AMMECR1: variants seen among roughly 807,000 people sequenced by gnomAD.
AMMECR1 encodes nuclear protein AMMECR1.
In AMMECR1, 3 loss-of-function variants were observed where a neutral mutation model predicts 22.5. The ratio of observed to expected loss-of-function variants is 0.13; its 90% CI spans 0.06 to 0.35. AMMECR1 has a LOEUF of 0.35. AMMECR1 is among the 10% of genes least tolerant of loss of function. The pLI is 1.00. For synonymous variants in AMMECR1, 130 were observed against 116.7 expected (o/e 1.11, Z -0.74); for missense variants, 235 against 278.7 (o/e 0.84, Z 1.12).
intron 2 of AMMECR1, among the ~76,000 whole-genome samples, chrX:110,383,910 T>C (rs1445291233): frequency 1.8e-5 from 2 of 112,137 alleles, no homozygotes; most frequent in Non-Finnish European, 3.8e-5. Flanking sequence ...TTATAAGCTA[T>C]GTGATGTTGA....
chrX:110,349,880 G>T (rs2068204538), intron 2 of AMMECR1, among the ~76,000 whole-genome samples: 1 of 111,666 alleles, frequency 9.0e-6, no homozygotes, highest in Non-Finnish European at 1.9e-5. Flanking sequence ...TATCATACAT[G>T]CCACTGCATC....
chrX:110,285,237 C>T (rs2067873141), intron 1 of AMMECR1, among the ~76,000 whole-genome samples: 1 of 111,701 alleles, frequency 9.0e-6, no homozygotes, highest in African/African-American at 3.3e-5. Context: ...AAAGTGTGGT[C>T]CCTGGACCAG....
intron 3 of AMMECR1, 79 bp downstream of exon 3, chrX:110,216,439 G>A: frequency 4.3e-6 from 3 of 702,438 alleles, no homozygotes; most frequent in Non-Finnish European, 6.6e-6. Flanking sequence ...GGCTGAAAGA[G>A]TTATTTTCTG....
intron 2 of AMMECR1, among the ~76,000 whole-genome samples, chrX:110,351,809 G>A (rs1271809847): frequency 1.8e-5 from 2 of 112,170 alleles, no homozygotes; most frequent in African/African-American, 6.5e-5. Flanking sequence ...AGAATAAGAT[G>A]TGAAAGTGTT....
intron 2 of AMMECR1, among the ~76,000 whole-genome samples, chrX:110,362,743 T>C (rs1394544159): frequency 1.8e-5 from 2 of 112,178 alleles, no homozygotes; most frequent in Non-Finnish European, 1.9e-5. Flanking sequence ...ACTAAAGATA[T>C]CCTGTAGTTA....
chrX:110,366,704 A>G (rs2068299510), intron 2 of AMMECR1, among the ~76,000 whole-genome samples: 1 of 111,398 alleles, frequency 9.0e-6, no homozygotes, highest in Admixed American at 9.5e-5. Context: ...CAGACATCCA[A>G]TCGTTGTTAA....
rs1488061984 is a variant in AMMECR1 at position 110,204,671 on chromosome X, T to C, written c.700-2135A>G. ...CTTTATAGGAGTACATCCTGTGTTC[T>C]TGAACAAAAATATCAGATTTTTAAT... On this transcript the variant is annotated intron_variant, in intron 3 of 5. Coordinates refer to ENST00000262844, the MANE Select transcript of AMMECR1 (RefSeq NM_015365.3). 2.7e-5 allele frequency among the ~76,000 whole-genome samples: 3 copies of C among 111,835 alleles called. No individual in the cohort carries two copies. In the Admixed American group the frequency reaches 2.8e-4, roughly 11 times the overall value.
At chrX:110,424,275 G>A (rs891724224) in intron 2 of AMMECR1, among the ~76,000 whole-genome samples, 4 of 111,606 alleles carry the variant, frequency 3.6e-5, no homozygotes, top group Non-Finnish European at 7.5e-5. Context: ...CCTTAGAAAA[G>A]TTTTCTTACT....
intron 1 of AMMECR1, among the ~76,000 whole-genome samples, chrX:110,308,315 G>C (rs1443652473): frequency 9.0e-6 from 1 of 111,497 alleles, no homozygotes; most frequent in Non-Finnish European, 1.9e-5. Flanking sequence ...CTGAATCCAT[G>C]CTTCACTTAA....
intron 2 of AMMECR1, among the ~76,000 whole-genome samples, chrX:110,353,303 T>C (rs1320786654): frequency 2.7e-5 from 3 of 112,194 alleles, no homozygotes; most frequent in Admixed American, 9.4e-5. Flanking sequence ...TTTTAGTCTC[T>C]ATTTTGTTTA....
chrX:110,344,624 C>T (rs2068180479), intron 2 of AMMECR1, among the ~76,000 whole-genome samples: 1 of 111,150 alleles, frequency 9.0e-6, no homozygotes, highest in South Asian at 3.8e-4. Context: ...CCAGAATCTA[C>T]AATGAACTCA....
intron 2 of AMMECR1, among the ~76,000 whole-genome samples, chrX:110,335,778 A>G (rs2068138899): frequency 8.9e-6 from 1 of 111,954 alleles, no homozygotes; most frequent in Non-Finnish European, 1.9e-5. Context: ...ATGTACATTC[A>G]TTTGGCAAAT....
chrX:110,410,064 G>A (rs954507253), intron 2 of AMMECR1, among the ~76,000 whole-genome samples: 2 of 111,874 alleles, frequency 1.8e-5, no homozygotes, highest in African/African-American at 6.5e-5. Flanking sequence ...ATTTTGATGA[G>A]GAACCCAGTT....
chrX:110,332,024 T>C (rs904656481), intron 2 of AMMECR1, among the ~76,000 whole-genome samples: 3 of 111,820 alleles, frequency 2.7e-5, no homozygotes, highest in African/African-American at 6.5e-5. Flanking sequence ...TTTATCAGGC[T>C]ACTCTGATAT....
chrX:110,406,678 C>G (rs2068604494), intron 2 of AMMECR1, among the ~76,000 whole-genome samples: 1 of 111,965 alleles, frequency 8.9e-6, no homozygotes, highest in African/African-American at 3.3e-5. Flanking sequence ...TGAAGAATCT[C>G]CAGTGTCTTC....
At chrX:110,212,664 A>G (rs1347597958) in intron 3 of AMMECR1, among the ~76,000 whole-genome samples, 1 of 112,125 alleles carries the variant, frequency 8.9e-6, no homozygotes, top group East Asian at 2.8e-4. Flanking sequence ...TTTTTCTTGG[A>G]AGAAAAGTTG....
At chrX:110,320,823 A>G (rs1250054076), upstream of AMMECR1, among the ~76,000 whole-genome samples, 1 of 112,423 alleles carries the variant, frequency 8.9e-6, no homozygotes, top group Non-Finnish European at 1.9e-5. Context: ...TGCAGAAAAT[A>G]CATCATTACC....
chrX:110,311,718 GTTA>G (rs1347384214), intron 1 of AMMECR1, among the ~76,000 whole-genome samples: 1 of 111,923 alleles, frequency 8.9e-6, no homozygotes, highest in Non-Finnish European at 1.9e-5. Context: ...CTTCCTTTGG[GTTA>G]TTTTCTTTAT....
chrX:110,371,405 A>G (rs1052835700), intron 2 of AMMECR1, among the ~76,000 whole-genome samples: 13 of 111,707 alleles, frequency 1.2e-4, no homozygotes, highest in African/African-American at 4.2e-4. Flanking sequence ...CAAACAATCC[A>G]ATTACAGTCC....
Sources: gnomAD v4.1 joint callset for allele counts (sites outside exome capture counted in the v4.1 genomes callset) on GRCh38, gnomAD v4.1.1 for gene constraint, MANE v1.5 for transcripts, NCBI Gene and HGNC (gene_info 2026-07-23, HGNC 2026-07-21) for gene names.